The following ZBTB46 variants were observed in gnomAD, a reference collection of about 807,000 sequenced individuals.
ZBTB46 encodes zinc finger and BTB domain-containing protein 46.
In ZBTB46, 8 loss-of-function variants were observed where a neutral mutation model predicts 44.1. The ratio of observed to expected loss-of-function variants is 0.18; its 90% CI spans 0.11 to 0.33. ZBTB46 has a LOEUF of 0.33. Ranked by LOEUF, ZBTB46 falls within the 10% of genes least tolerant of loss-of-function variation. The pLI, the probability that ZBTB46 is intolerant of heterozygous loss-of-function variation, is 1.00. For missense variants in ZBTB46, 651 were observed against 847.7 expected (o/e 0.77, Z 2.88); for synonymous variants, 409 against 382.3 (o/e 1.07, Z -0.81).
chr20:63,826,337 A>G (rs759323867), intron 1 of ZBTB46, among the ~76,000 whole-genome samples: 1 of 152,248 alleles, frequency 6.6e-6, no homozygotes, highest in Non-Finnish European at 1.5e-5. Flanking sequence ...GGAAACTGAG[A>G]AGGACTGAGT....
intron 1 of ZBTB46, among the ~76,000 whole-genome samples, chr20:63,816,155 G>A (rs2092756472): frequency 6.6e-6 from 1 of 150,416 alleles, no homozygotes; most frequent in South Asian, 2.1e-4. Flanking sequence ...AGGTGCAGTG[G>A]GTGCAGGTGC....
chr20:63,747,675 T>G (rs2092117911), intron 4 of ZBTB46, among the ~76,000 whole-genome samples: 1 of 151,986 alleles, frequency 6.6e-6, no homozygotes, highest in South Asian at 2.1e-4. Context: ...GAGCCCCAGC[T>G]CCTATCAGAG....
chr20:63,793,450 C>T (rs1015545778), intron 1 of ZBTB46, among the ~76,000 whole-genome samples: 3 of 152,134 alleles, frequency 2.0e-5, no homozygotes, highest in Non-Finnish European at 4.4e-5. Flanking sequence ...CATTCAATCC[C>T]GAAGCTGGGG....
intron 1 of ZBTB46, among the ~76,000 whole-genome samples, chr20:63,811,591 C>G (rs542539237): frequency 6.6e-6 from 1 of 152,108 alleles, no homozygotes; most frequent in Non-Finnish European, 1.5e-5. Context: ...CCATAGGTGA[C>G]GCAGACAACT....
intron 2 of ZBTB46, among the ~76,000 whole-genome samples, chr20:63,781,505 G>A (rs1248202097): frequency 6.6e-6 from 1 of 152,204 alleles, no homozygotes; most frequent in Admixed American, 6.5e-5. Context: ...AAAGACCATA[G>A]AGAAGCCAGG....
intron 1 of ZBTB46, among the ~76,000 whole-genome samples, chr20:63,799,873 G>A (rs1038983602): frequency 1.3e-5 from 2 of 152,116 alleles, no homozygotes; most frequent in African/African-American, 4.8e-5. Flanking sequence ...AGGGCACATG[G>A]AACGGTGCAG....
chr20:63,821,205 A>G (rs1457299841), intron 1 of ZBTB46, among the ~76,000 whole-genome samples: 2 of 139,074 alleles, frequency 1.4e-5, no homozygotes, highest in African/African-American at 2.6e-5. Context: ...TTTTCAGTAG[A>G]GACAGGGCTT....
chr20:63,750,478 A>G lies in ZBTB46; in HGVS notation c.1398+2208T>C, dbSNP rs1238689347. Reference sequence around the variant, plus strand: ...GGTCTCAAACTCCTGGCCTCAAGCTATTCTCCTGCCCCAGCCTCCCGAAGT... The same window carrying G: ...GGTCTCAAACTCCTGGCCTCAAGCTGTTCTCCTGCCCCAGCCTCCCGAAGT... On this transcript the variant is annotated intron_variant, in intron 4 of 4. Coordinates refer to ENST00000245663, the MANE Select transcript of ZBTB46 (RefSeq NM_001369741.1). Among the ~76,000 whole-genome samples, 11 of 151,372 alleles carry G rather than the reference A, an allele frequency of 7.3e-5. No individual in the cohort carries two copies. In the East Asian group the frequency reaches 1.2e-3, roughly 16 times the overall value.
At chr20:63,765,082 CATGTGT>C in intron 3 of ZBTB46, among the ~76,000 whole-genome samples, 1 of 36,056 alleles carries the variant, frequency 2.8e-5, no homozygotes, top group Non-Finnish European at 5.6e-5. Context: ...TGTGCGTGTG[CATGTGT>C]GCATGTGTAT....
rs1243700883 is a variant in ZBTB46 at position 63,767,943 on chromosome 20, A to C, written c.1222+7735T>G. 2.0e-6 allele frequency: 2 copies of C among 985,294 alleles called. No individual in the cohort carries two copies. The highest frequency in any genetic ancestry group is 3.5e-5 in the African/African-American group (2 of 57,238). The allele number at this position is 985,294 out of a possible 1,614,324, so 61.0% of individuals were successfully genotyped here. ...CAGCGGGAGCCAACTCTGGAAGAGG[A>C]CTGCTCCGCCCAGCTCTCCACGCCA... is the stretch of plus-strand genomic sequence containing the variant. On this transcript the variant is annotated intron_variant, in intron 3 of 4. Coordinates refer to ENST00000245663, the MANE Select transcript of ZBTB46 (RefSeq NM_001369741.1). This position sits in a 1 kb window ranked among gnomAD's most constrained non-coding sequence, Gnocchi z 5.0.
In ZBTB46 at chr20:63,802,788, G is replaced by A. The variant is rs565605478; in HGVS notation, c.-33-11998C>T. ...CCCCAGCACCCTCCCAGGAACCGCC[G>A]TGGCCGACGACCGAACCTCAGGCCC... On this transcript the variant is annotated intron_variant, in intron 1 of 4. Transcript: ENST00000245663. Among the ~76,000 whole-genome samples, 256 of 129,346 alleles carry A rather than the reference G, an allele frequency of 2.0e-3. 8 individuals carry two copies. The highest frequency in any genetic ancestry group is 7.3e-3 in the African/African-American group (238 of 32,752). The allele number at this position is 129,346 out of a possible 152,430, so 84.9% of individuals were successfully genotyped here. A position where few individuals can be genotyped will look rare whatever the true frequency, so the allele number is the denominator to read the frequency against.
rs971678852 is a variant in ZBTB46, at chr20:63,746,429, A to G, written c.*501T>C. 6.5e-6 allele frequency: 1 copy of G among 153,820 alleles called. No individual in the cohort carries two copies. The highest frequency in any genetic ancestry group is 1.4e-5 in the Non-Finnish European group (1 of 69,688). The allele number at this position is 153,820 out of a possible 1,614,324, so 9.5% of individuals were successfully genotyped here. On this transcript the variant is annotated 3_prime_UTR_variant, in exon 5 of 5. Coordinates refer to ENST00000245663, the MANE Select transcript of ZBTB46 (RefSeq NM_001369741.1). ...ACAGGCTGCCATGGGCCACGGCTGC[A>G]CCACGGGCCACGGCTGCAGCCACAG...
chr20:63,797,810 A>G (rs1444033732), intron 1 of ZBTB46, among the ~76,000 whole-genome samples: 1 of 152,196 alleles, frequency 6.6e-6, no homozygotes, highest in African/African-American at 2.4e-5. Flanking sequence ...TCTTTTGAGA[A>G]GTGTCTGTTC....
chr20:63,802,359 C>T (rs748437671), intron 1 of ZBTB46, among the ~76,000 whole-genome samples: 17 of 151,976 alleles, frequency 1.1e-4, no homozygotes, highest in Non-Finnish European at 2.4e-4. Flanking sequence ...GAGACGGAGG[C>T]TGCAGTGAGC....
intron 1 of ZBTB46, among the ~76,000 whole-genome samples, chr20:63,823,476 C>T (rs1484568105): frequency 6.6e-6 from 1 of 151,322 alleles, no homozygotes; most frequent in African/African-American, 2.4e-5. Context: ...CCAGCCTTAG[C>T]GACAGAGTGA....
chr20:63,747,935 C>T (rs973500201), intron 4 of ZBTB46, among the ~76,000 whole-genome samples: 1 of 152,214 alleles, frequency 6.6e-6, no homozygotes, highest in African/African-American at 2.4e-5. Flanking sequence ...CTGAGGGCCC[C>T]GCATTGGACT....
At chr20:63,792,480 G>T (rs925906387) in intron 1 of ZBTB46, among the ~76,000 whole-genome samples, 1 of 152,046 alleles carries the variant, frequency 6.6e-6, no homozygotes, top group African/African-American at 2.4e-5. Context: ...GACTGGTTAC[G>T]ACATACACAC....
intron 2 of ZBTB46, among the ~76,000 whole-genome samples, chr20:63,782,035 C>T (rs1345784963): frequency 7.7e-5 from 11 of 142,908 alleles, no homozygotes; most frequent in Admixed American, 1.5e-4. Flanking sequence ...TGCAGTGAGC[C>T]GAGATGGCGC....
intron 4 of ZBTB46, among the ~76,000 whole-genome samples, chr20:63,751,307 G>A (rs1367886951): frequency 2.0e-5 from 3 of 152,172 alleles, no homozygotes; most frequent in African/African-American, 7.2e-5. Context: ...CCCCTCCCAG[G>A]ACTGTTCCTT....
Sources: allele counts gnomAD v4.1 joint callset (sites outside exome capture counted in the v4.1 genomes callset), GRCh38; gene constraint gnomAD v4.1.1; non-coding constraint Gnocchi (gnomAD v3.1); transcripts MANE v1.5; gene names NCBI Gene and HGNC (gene_info 2026-07-23, HGNC 2026-07-21).